Variants in SACS observed in about 807,000 individuals in gnomAD.
The protein encoded by SACS is sacsin.
In SACS, 197 loss-of-function variants were observed where a neutral mutation model predicts 348.0. The ratio of observed to expected loss-of-function variants is 0.57; its 90% CI spans 0.50 to 0.64. SACS has a LOEUF of 0.64. Ranked by LOEUF, SACS falls within the 30% of genes least tolerant of loss-of-function variation. The pLI is 0.00. For missense variants in SACS, 4,999 were observed against 5,360.8 expected (o/e 0.93, Z 2.11); for synonymous variants, 1,985 against 1,910.6 (o/e 1.04, Z -1.02).
chr13:23,365,382 G>A, intron 5 of SACS, 105 bp from the exon 6 acceptor site: 5 of 691,522 alleles, frequency 7.2e-6, no homozygotes, highest in Non-Finnish European at 1.2e-5. Flanking sequence ...CTTAAATAAA[G>A]GAAACCCACT....
intron 2 of SACS, among the ~76,000 whole-genome samples, chr13:23,377,154 C>G (rs895475451): frequency 2.0e-5 from 3 of 152,068 alleles, no homozygotes; most frequent in African/African-American, 4.8e-5. Context: ...GGAGGCAGTG[C>G]TAATGGGTGT....
In SACS at chr13:23,375,223, C is replaced by T. The variant is rs1163910704; in HGVS notation, c.67G>A (p.Val23Ile). Residue 23 changes from valine (V) to isoleucine (I), a missense_variant, in exon 3 of 10, where the codon GTC becomes ATC. Val to Ile is a conservative substitution (Grantham distance 29, BLOSUM62 3). This residue lies in a region of SACS where 3,156 missense variants were observed against 3,380.1 expected (regional missense o/e 0.93). Transcript: ENST00000382292. ...VLPGCVGCRT[V>I]AALASWTVRD... ...ACGGTCCAGGACGCCAGCGCCGCGA[C>T]GGTCCTGCAGCCCACGCAGCCGGGG... is the stretch of plus-strand genomic sequence containing the variant. The T allele has an allele frequency of 6.7e-7, 1 of 1,499,012 alleles. No individual in the cohort carries two copies. Among genetic ancestry groups the T allele is most frequent in the Non-Finnish European group, 8.9e-7 (1 of 1,123,414 alleles). 92.9% of individuals were successfully genotyped at this position (1,499,012 alleles called of 1,614,324 possible). A position where few individuals can be genotyped will look rare whatever the true frequency, so the allele number is the denominator to read the frequency against.
intron 1 of SACS, among the ~76,000 whole-genome samples, 170 bp downstream of exon 1, chr13:23,433,445 G>C (rs1333227793): frequency 6.6e-6 from 1 of 152,172 alleles, no homozygotes; most frequent in Non-Finnish European, 1.5e-5. Context: ...CCGAAGGCGG[G>C]TATGTTAAAG....
In SACS at chr13:23,354,818, C is replaced by G. The variant is rs1184294805; in HGVS notation, c.1794G>C (p.Gly598=). The G allele has an allele frequency of 2.5e-6, 4 of 1,614,232 alleles. No individual in the cohort carries two copies. The highest frequency in any genetic ancestry group is 3.4e-6 in the Non-Finnish European group (4 of 1,180,044). The part of the protein sequence containing the change: ...KTVLNYLQSS[G]KQIAKVPGNV... ...TCCCTGGTACCTTGGCAATCTGCTT[C>G]CCTGAGCTCTGGAGGTAGTTGAGCA... Residue 598 remains glycine, a synonymous_variant, in exon 8 of 10, where the codon GGG becomes GGC. Coordinates refer to ENST00000382292, the MANE Select transcript of SACS (RefSeq NM_014363.6).
chr13:23,330,404 G>A lies in SACS; in HGVS notation c.13472C>T (p.Ala4491Val). 6.2e-7 allele frequency: 1 copy of A among 1,614,120 alleles called. No homozygotes were observed. The highest frequency in any genetic ancestry group is 8.5e-7 in the Non-Finnish European group (1 of 1,180,022). Residue 4491 changes from alanine to valine, a missense_variant, in exon 10 of 10, where the codon GCT becomes GTT. Physicochemically the swap from Ala to Val is moderately conservative, Grantham distance 64. Around this residue, in one of 6 missense-constraint regions of SACS, gnomAD observed 254 missense variants for 275.1 expected, o/e 0.92. Transcript: ENST00000382292. ...TKLALIAADY[A>V]VRGKSDKDVK... ...ATCTTTATCAGACTTTCCCCTCACA[G>A]CATAGTCAGCTGCAATCAAAGCTAA...
chr13:23,415,125 A>G (rs1873648019), intron 1 of SACS, among the ~76,000 whole-genome samples: 2 of 151,998 alleles, frequency 1.3e-5, no homozygotes, highest in African/African-American at 4.8e-5. Context: ...TCCGCCTCCC[A>G]GGTTCAAGCA....
intron 2 of SACS, among the ~76,000 whole-genome samples, chr13:23,408,487 G>A (rs1296826582): frequency 1.3e-5 from 2 of 152,198 alleles, no homozygotes; most frequent in South Asian, 2.1e-4. Context: ...ATTTCATTGT[G>A]TACATCACGT....
rs183087430 is a variant in SACS, at chr13:23,416,723, C to T, written c.-501-4983G>A. 5.3e-5 allele frequency among the ~76,000 whole-genome samples: 8 copies of T among 150,854 alleles called. No individual in the cohort carries two copies. The East Asian group carries it at 1.4e-3, about 26-fold the overall frequency. The stretch of plus-strand genomic sequence containing the variant: ...AGTGAGCCAAGATCGCGCCATTGCA[C>T]TCCAGCCTGGGCAACAAGAAACTCC... On this transcript the variant is annotated intron_variant, in intron 1 of 9. Coordinates refer to ENST00000382292, the MANE Select transcript of SACS (RefSeq NM_014363.6).
chr13:23,405,852 C>T (rs1395999096), intron 2 of SACS, among the ~76,000 whole-genome samples: 1 of 152,124 alleles, frequency 6.6e-6, no homozygotes, highest in East Asian at 1.9e-4. Context: ...TGTCTCATGC[C>T]AGTTAGAATG....
chr13:23,353,808 A>C lies in SACS; in HGVS notation c.2162T>G (p.Leu721Ter), dbSNP rs777894794. The C allele has an allele frequency of 6.2e-7, 1 of 1,605,968 alleles. No individual in the cohort carries two copies. Residue 721 changes from leucine (L) to a stop codon, truncating the protein, a stop_gained, in exon 9 of 10, where the codon TTA (leucine) becomes TGA (stop). Transcript: ENST00000382292. LOFTEE classifies it high-confidence loss of function. ...ACCTCGGGTTTGGGCAGCTTCCTTT[A>C]AAGCAGCCACAAGGTGAGGTTTCAA... ...DNLKPHLVAALKEAAQTRGRP... is the reference protein window; with the variant it reads ...DNLKPHLVAA
intron 1 of SACS, among the ~76,000 whole-genome samples, chr13:23,417,612 TG>T (rs1873736820): frequency 6.6e-6 from 1 of 152,158 alleles, no homozygotes; most frequent in Non-Finnish European, 1.5e-5. Flanking sequence ...CCCCATACTG[TG>T]CACAAGTATC....
At position 23,335,426 on chromosome 13, in the gene SACS, G is replaced by A. The variant is rs371652968; in HGVS notation, c.8450C>T (p.Thr2817Met). ...DTEDSEGNLT[T>M]WLICNRSGFS... The stretch of plus-strand genomic sequence containing the variant: ...GCCTGATCTATTACAAATTAGCCAC[G>A]TAGTAAGATTTCCTTCAGAGTCCTC... The change falls in exon 10 of 10, where the codon ACG becomes ATG. Residue 2817 changes from threonine to methionine, a missense_variant. Physicochemically the swap from Thr to Met is moderately conservative, Grantham distance 81 (BLOSUM62 -1). This residue lies in a region of SACS where 3,156 missense variants were observed against 3,380.1 expected (regional missense o/e 0.93). Transcript: ENST00000382292. This position sits in a 1 kb window ranked among gnomAD's most constrained non-coding sequence, Gnocchi z 4.7. The A allele has an allele frequency of 8.4e-5, 135 of 1,613,840 alleles. No homozygotes were observed. The highest frequency in any genetic ancestry group is 1.2e-4 in the South Asian group (11 of 91,076).
chr13:23,376,867 C>T (rs1415944994), intron 2 of SACS, among the ~76,000 whole-genome samples: 2 of 152,150 alleles, frequency 1.3e-5, no homozygotes, highest in South Asian at 2.1e-4. Flanking sequence ...GCCTGGCCAA[C>T]ATGGTGAAAC....
At chr13:23,349,987 A>C (rs745849499) in intron 9 of SACS, among the ~76,000 whole-genome samples, 11 of 152,206 alleles carry the variant, frequency 7.2e-5, no homozygotes, top group Non-Finnish European at 1.3e-4. Context: ...AAAGTAAAAG[A>C]GCTGAGGAAG....
In SACS at chr13:23,335,540, T is replaced by C. The variant is rs749327297; in HGVS notation, c.8336A>G (p.Gln2779Arg). The C allele has an allele frequency of 6.2e-7, 1 of 1,613,762 alleles. No homozygotes were observed. The highest frequency in any genetic ancestry group is 2.2e-5 in the East Asian group (1 of 44,872). ...ITDGDRLKRK[Q>R]FHASVIDSVT... ...ACTATCAATTACAGATGCATGAAAT[T>C]GTTTCCTTTTCAATCTGTCTCCATC... Residue 2779 changes from glutamine to arginine, a missense_variant, in exon 10 of 10, where the codon CAA becomes CGA. Physicochemically the swap from Gln to Arg is conservative, Grantham distance 43. Around this residue, in one of 6 missense-constraint regions of SACS, gnomAD observed 3,156 missense variants for 3,380.1 expected, o/e 0.93. Transcript: ENST00000382292. The surrounding 1 kb of genome is among the most constrained non-coding windows in gnomAD (Gnocchi z 4.7).
In SACS at chr13:23,340,807, A is replaced by T; in HGVS notation, c.3069T>A (p.Leu1023=). ...MLWVLENLSS[L]KNENPNVLEW... ...CAAGCACATTTGGATTCTCATTTTT[A>T]AGAGAAGATAGATTCTCAAGGACCC... The change falls in exon 10 of 10, where the codon CTT becomes CTA. Residue 1023 remains leucine (L), a synonymous_variant. Transcript: ENST00000382292. 1 of 1,601,178 alleles carries T rather than the reference A, an allele frequency of 6.2e-7. No homozygotes were observed. The highest frequency in any genetic ancestry group is 8.5e-7 in the Non-Finnish European group (1 of 1,174,156).
chr13:23,338,359 T>C lies in SACS; in HGVS notation c.5517A>G (p.Arg1839=). The change falls in exon 10 of 10, where the codon AGA becomes AGG. Residue 1839 remains arginine, a synonymous_variant. Coordinates refer to ENST00000382292, the MANE Select transcript of SACS (RefSeq NM_014363.6). The part of the protein sequence containing the change: ...ALKFSLSESG[R]RLGLVPCGAV... ...CCCCACATGGAACCAGTCCTAGTCT[T>C]CTTCCACTCTCACTCAGGGAAAACT... The C allele has an allele frequency of 6.2e-7, 1 of 1,614,180 alleles. No individual in the cohort carries two copies. The highest frequency in any genetic ancestry group is 8.5e-7 in the Non-Finnish European group (1 of 1,180,014).
Position 23,340,191 on chromosome 13 carries a change from T to C in SACS, c.3685A>G (p.Lys1229Glu). Residue 1229 changes from lysine to glutamate, a missense_variant, in exon 10 of 10, where the codon AAA becomes GAA. Coordinates refer to ENST00000382292, the MANE Select transcript of SACS (RefSeq NM_014363.6). ...GAAGAATACCAATCAACAACAATTT[T>C]AAAGTGTTTTAAGACAGCACTAAGG... ...PSLSAVLKHF[K>E]IVVDWYSSKT... is the part of the protein sequence containing the mutation. 6.2e-7 allele frequency: 1 copy of C among 1,612,056 alleles called. No homozygotes were observed.
Position 23,368,386 on chromosome 13 carries a change from A to G in SACS, c.345+16T>C. 1 of 1,571,450 alleles carries G rather than the reference A, an allele frequency of 6.4e-7. No homozygotes were observed. Among genetic ancestry groups the G allele is most frequent in the Non-Finnish European group, 8.7e-7 (1 of 1,144,324 alleles). ...TTATCAAAGTAAATAACACATGAAC[A>G]CGACATGTGCCCCACCTTAAGAATC... On this transcript the variant is annotated intron_variant, in intron 5 of 9. Coordinates refer to ENST00000382292, the MANE Select transcript of SACS (RefSeq NM_014363.6).
Sources: allele counts gnomAD v4.1 joint callset (sites outside exome capture counted in the v4.1 genomes callset), GRCh38; gene constraint gnomAD v4.1.1; regional missense constraint gnomAD v4.1.1; non-coding constraint Gnocchi (gnomAD v3.1); transcripts MANE v1.5; gene names NCBI Gene and HGNC (gene_info 2026-07-23, HGNC 2026-07-21).